Variants in RNF13 observed in about 807,000 individuals in gnomAD.
RNF13 encodes the protein ring finger protein 13.
Under a neutral mutation model 37.7 loss-of-function variants are expected in RNF13, and 19 were observed. The observed-to-expected ratio is 0.50, with a 90% CI of 0.35 to 0.74. The LOEUF (loss-of-function observed/expected upper bound fraction) is 0.74. Ranked by LOEUF, RNF13 falls within the 30% of genes least tolerant of loss-of-function variation. RNF13 has a pLI of 0.01. For synonymous variants in RNF13, 144 were observed against 157.8 expected (o/e 0.91, Z 0.65); for missense variants, 375 against 453.0 (o/e 0.83, Z 1.56).
intron 8 of RNF13, among the ~76,000 whole-genome samples, chr3:149,933,091 G>T: frequency 6.6e-6 from 1 of 150,528 alleles, no homozygotes; most frequent in East Asian, 2.0e-4. Context: ...TGCTCTCAGA[G>T]CAGTGCCCCA....
chr3:149,903,955 C>T (rs1429879736), intron 6 of RNF13, among the ~76,000 whole-genome samples: 1 of 151,918 alleles, frequency 6.6e-6, no homozygotes, highest in Non-Finnish European at 1.5e-5. Context: ...GTCTGTCTGT[C>T]TGTCTGTCTG....
intron 4 of RNF13, among the ~76,000 whole-genome samples, chr3:149,883,618 T>C (rs1713670437): frequency 6.6e-6 from 1 of 152,156 alleles, no homozygotes; most frequent in Non-Finnish European, 1.5e-5. Context: ...ATGTAATTTC[T>C]GGGTCTGTTT....
At chr3:149,939,310 C>G (rs182523145) in intron 8 of RNF13, 7 of 461,630 alleles carry the variant, frequency 1.5e-5, no homozygotes, top group Non-Finnish European at 2.9e-5. Flanking sequence ...TTTTCATCAT[C>G]ATCTTCTGCA....
chr3:149,873,682 G>A (rs939665212), intron 4 of RNF13, among the ~76,000 whole-genome samples: 2 of 151,984 alleles, frequency 1.3e-5, no homozygotes, highest in African/African-American at 4.8e-5. Context: ...CTGTCTCATC[G>A]GTTACATGCT....
At position 149,959,995 on chromosome 3, in the gene RNF13, G is replaced by T. The variant is rs1451197079; in HGVS notation, c.701-61G>T. The T allele has an allele frequency of 3.3e-5, 36 of 1,080,710 alleles. 1 individual carries two copies. The Admixed American group carries it at 6.3e-4, about 19-fold the overall frequency. The allele number at this position is 1,080,710 out of a possible 1,614,324, so 66.9% of individuals were successfully genotyped here. A position where few individuals can be genotyped will look rare whatever the true frequency, so the allele number is the denominator to read the frequency against. ...AAATACATCAAAAGGCAGTAACTGA[G>T]GACTAACTTGAAAAGTTTGAAAGGT... On this transcript the variant is annotated intron_variant, in intron 8 of 9. Coordinates refer to ENST00000392894, the MANE Select transcript of RNF13 (RefSeq NM_183381.3).
intron 7 of RNF13, among the ~76,000 whole-genome samples, chr3:149,914,419 A>C (rs1464023012): frequency 9.9e-5 from 15 of 152,116 alleles, no homozygotes. Flanking sequence ...TAATCATGTA[A>C]CAAATTCCAT....
intron 6 of RNF13, among the ~76,000 whole-genome samples, chr3:149,911,384 G>A (rs563363106): frequency 4.6e-5 from 7 of 152,198 alleles, no homozygotes; most frequent in Admixed American, 1.3e-4. Flanking sequence ...TAGACCTGCC[G>A]TGGTGGCTCA....
intron 4 of RNF13, among the ~76,000 whole-genome samples, chr3:149,885,855 A>G (rs962342614): frequency 1.1e-4 from 16 of 152,190 alleles, no homozygotes; most frequent in African/African-American, 3.9e-4. Context: ...TAGTAATTTC[A>G]TAATTTGAGA....
intron 7 of RNF13, among the ~76,000 whole-genome samples, chr3:149,920,128 A>G (rs1031847318): frequency 6.6e-6 from 1 of 152,046 alleles, no homozygotes; most frequent in African/African-American, 2.4e-5. Flanking sequence ...AGGTTTTTAT[A>G]TATATTCTGG....
rs1003127200 is a variant in RNF13 at position 149,954,092 on chromosome 3, T to G, written c.701-5964T>G. 2.8e-4 allele frequency among the ~76,000 whole-genome samples: 42 copies of G among 152,194 alleles called. 1 individual carries two copies. Among genetic ancestry groups the G allele is most frequent in the Admixed American group, 2.6e-3 (39 of 15,278 alleles). ...AGCTAGTTGTATGTTTGTTTTAGAA[T>G]TTTTTGGTTATCATGAGATTTGACA... On this transcript the variant is annotated intron_variant, in intron 8 of 9. Coordinates refer to ENST00000392894, the MANE Select transcript of RNF13 (RefSeq NM_183381.3).
chr3:149,889,921 C>T (rs1032661277), intron 4 of RNF13, among the ~76,000 whole-genome samples: 6 of 152,126 alleles, frequency 3.9e-5, no homozygotes, highest in Non-Finnish European at 7.3e-5. Context: ...GTGATCTGCC[C>T]GCCTCAGCCT....
chr3:149,920,298 C>G (rs995216965), intron 7 of RNF13, among the ~76,000 whole-genome samples: 1 of 152,114 alleles, frequency 6.6e-6, no homozygotes, highest in Non-Finnish European at 1.5e-5. Context: ...TACAGTGGCA[C>G]AAACATGAGT....
At chr3:149,930,590 A>G (rs1443499999) in intron 8 of RNF13, among the ~76,000 whole-genome samples, 2 of 152,218 alleles carry the variant, frequency 1.3e-5, no homozygotes, top group Non-Finnish European at 2.9e-5. Flanking sequence ...AGAATGAGTT[A>G]TGATATACCC....
At chr3:149,879,036 A>G (rs910555002) in intron 4 of RNF13, among the ~76,000 whole-genome samples, 3 of 152,174 alleles carry the variant, frequency 2.0e-5, no homozygotes, top group Non-Finnish European at 2.9e-5. Flanking sequence ...TAGAACTGCA[A>G]AAACCCAATT....
At chr3:149,927,161 A>G (rs1718736412) in intron 8 of RNF13, among the ~76,000 whole-genome samples, 1 of 152,134 alleles carries the variant, frequency 6.6e-6, no homozygotes, top group African/African-American at 2.4e-5. Context: ...ACTTCCCCCC[A>G]GCCACTGGCA....
intron 4 of RNF13, among the ~76,000 whole-genome samples, chr3:149,892,770 G>A (rs1056423360): frequency 3.9e-5 from 6 of 152,112 alleles, no homozygotes; most frequent in Non-Finnish European, 2.9e-5. Context: ...CTATTCCCCC[G>A]GTGGAAAAGT....
intron 5 of RNF13, among the ~76,000 whole-genome samples, chr3:149,896,938 A>G (rs1031613423): frequency 6.6e-6 from 1 of 152,200 alleles, no homozygotes; most frequent in African/African-American, 2.4e-5. Context: ...AAGTACCCAT[A>G]AGAAGTTTTA....
At position 149,960,899 on chromosome 3, in the gene RNF13, C is replaced by T; in HGVS notation, c.941C>T (p.Pro314Leu). Residue 314 changes from proline (P) to leucine (L), a missense_variant, in exon 10 of 10, where the codon CCT (proline) becomes CTT (leucine). Transcript: ENST00000392894. ...EVTEHTPLLRPLASVSAQSFG... is the reference protein window; with the variant it reads ...EVTEHTPLLRLLASVSAQSFG... ...ACAGAACATACCCCTTTACTGAGACCTTTAGCTTCTGTCAGTGCCCAGTCA... is the reference window on the plus strand; with the variant it reads ...ACAGAACATACCCCTTTACTGAGACTTTTAGCTTCTGTCAGTGCCCAGTCA... The T allele has an allele frequency of 1.2e-6, 2 of 1,614,154 alleles. No individual in the cohort carries two copies. Among genetic ancestry groups the T allele is most frequent in the Non-Finnish European group, 1.7e-6 (2 of 1,180,020 alleles).
chr3:149,926,806 G>A (rs754266190), intron 8 of RNF13, among the ~76,000 whole-genome samples: 4 of 152,020 alleles, frequency 2.6e-5, no homozygotes, highest in Non-Finnish European at 4.4e-5. Flanking sequence ...TTGTTTAACC[G>A]TTTATCAGTA....
Sources: allele counts gnomAD v4.1 joint callset (sites outside exome capture counted in the v4.1 genomes callset), GRCh38; gene constraint gnomAD v4.1.1; transcripts MANE v1.5; gene names NCBI Gene and HGNC (gene_info 2026-07-23, HGNC 2026-07-21).